DYNC1I2: variants seen among roughly 807,000 people sequenced by gnomAD.
DYNC1I2 encodes the protein cytoplasmic dynein 1 intermediate chain 2.
DYNC1I2 carries 53 observed loss-of-function variants against 88.6 expected under a neutral mutation model. That is an observed-to-expected ratio of 0.60 (90% CI 0.48 to 0.75). The LOEUF is 0.75. Among genes scored for constraint, DYNC1I2 ranks in the 30% least tolerant of loss-of-function variants. The probability of loss-of-function intolerance (pLI) is 0.00; values close to 1 mark genes in which losing one functional copy is unlikely to be tolerated. For missense variants in DYNC1I2, 458 were observed against 766.6 expected (o/e 0.60, Z 4.75); for synonymous variants, 198 against 254.6 (o/e 0.78, Z 2.12).
chr2:171,746,069 C>G, intron 17 of DYNC1I2, 142 bp downstream of exon 17: 2 of 760,882 alleles, frequency 2.6e-6, no homozygotes, highest in South Asian at 6.7e-5. Context: ...CTTTCTACCA[C>G]AGAAGCAGCT....
chr2:171,711,292 C>T (rs1387816401), intron 5 of DYNC1I2, among the ~76,000 whole-genome samples: 3 of 152,182 alleles, frequency 2.0e-5, no homozygotes, highest in African/African-American at 7.2e-5. Flanking sequence ...TGTGAGCCAC[C>T]GTGCCTGGCC....
intron 7 of DYNC1I2, among the ~76,000 whole-genome samples, chr2:171,721,614 A>G (rs991459726): frequency 4.6e-5 from 7 of 152,206 alleles, no homozygotes; most frequent in African/African-American, 1.7e-4. Context: ...TTGTGAAGTT[A>G]TTCATAAGTT....
At chr2:171,700,628 G>GT (rs1559368232) in intron 3 of DYNC1I2, among the ~76,000 whole-genome samples, 2 of 145,906 alleles carry the variant, frequency 1.4e-5, no homozygotes, top group Admixed American at 7.0e-5. Context: ...TAGTTTTTTT[G>GT]TTTTTTGTTT....
In DYNC1I2 at chr2:171,690,134, A is replaced by G. The variant is rs922178901; in HGVS notation, c.-9-13A>G. On this transcript the variant is annotated splice_polypyrimidine_tract_variant and intron_variant, in intron 1 of 17. Transcript: ENST00000397119. ...TGCTGCTTTTACTAACATAATGATT[A>G]TATGTTTCTAAGGTCACAAACATGT... 6.8e-6 allele frequency: 10 copies of G among 1,471,632 alleles called. No homozygotes were observed. The highest frequency in any genetic ancestry group is 2.6e-5 in the South Asian group (2 of 77,490). The allele number at this position is 1,471,632 out of a possible 1,614,324, so 91.2% of individuals were successfully genotyped here. A position where few individuals can be genotyped will look rare whatever the true frequency, so the allele number is the denominator to read the frequency against.
In DYNC1I2 at chr2:171,744,029, A is replaced by T; in HGVS notation, c.1537-20A>T. The T allele has an allele frequency of 1.2e-6, 2 of 1,602,092 alleles. No individual in the cohort carries two copies. Among genetic ancestry groups the T allele is most frequent in the Non-Finnish European group, 1.7e-6 (2 of 1,176,088 alleles). ...TATGTCATATATGGACTGTGCTAAG[A>T]ATCAACTTTTCTCTTTCAGAATAAC... On this transcript the variant is annotated intron_variant, in intron 15 of 17. Transcript: ENST00000397119.
At chr2:171,726,327 AT>A in intron 10 of DYNC1I2, 34 bp downstream of exon 10, 2 of 1,413,568 alleles carry the variant, frequency 1.4e-6, no homozygotes, top group South Asian at 1.3e-5. Context: ...CTCTTAACTC[AT>A]TTTTAAAATT....
intron 3 of DYNC1I2, among the ~76,000 whole-genome samples, chr2:171,698,939 TCCACCCAC>T (rs1378653523): frequency 6.6e-6 from 1 of 150,704 alleles, no homozygotes; most frequent in Admixed American, 6.6e-5. Context: ...GCTCAAGCAA[TCCACCCAC>T]CTCAGCCTCC....
At chr2:171,742,253 G>A (rs1248230371) in intron 15 of DYNC1I2, among the ~76,000 whole-genome samples, 2 of 151,966 alleles carry the variant, frequency 1.3e-5, no homozygotes, top group African/African-American at 4.8e-5. Flanking sequence ...GCTCACTGCA[G>A]CCTCGACATC....
At chr2:171,728,059 G>T in intron 12 of DYNC1I2, 92 bp downstream of exon 12, 9 of 1,407,020 alleles carry the variant, frequency 6.4e-6, no homozygotes, top group Non-Finnish European at 8.5e-6. Context: ...ATCTCAGAAT[G>T]TGCTTCCTTT....
At chr2:171,717,963 T>C (rs193166873) in intron 7 of DYNC1I2, among the ~76,000 whole-genome samples, 2,685 of 151,180 alleles carry the variant, frequency 0.018, 75 homozygotes, top group African/African-American at 0.061. Flanking sequence ...GACTTTCTTT[T>C]TTTTTTTTTT....
At chr2:171,717,141 CTT>C (rs71013068) in intron 7 of DYNC1I2, among the ~76,000 whole-genome samples, 67,984 of 101,786 alleles carry the variant, frequency 0.67, 21,488 homozygotes, top group East Asian at 0.78. Context: ...CAAGTATTTT[CTT>C]TTTTTTTTTT....
chr2:171,703,793 C>T (rs891428744), intron 3 of DYNC1I2, among the ~76,000 whole-genome samples: 3 of 152,110 alleles, frequency 2.0e-5, no homozygotes, highest in African/African-American at 7.2e-5. Context: ...GCTAAGAACA[C>T]TTGTGTCCAG....
chr2:171,687,838 G>A, intron 1 of DYNC1I2: 1 of 152,872 alleles, frequency 6.5e-6, no homozygotes, highest in Non-Finnish European at 1.5e-5. Flanking sequence ...GGAAGTTGCA[G>A]GCGGGAGGAC....
intron 7 of DYNC1I2, among the ~76,000 whole-genome samples, chr2:171,719,831 A>G (rs577924405): frequency 6.6e-6 from 1 of 152,302 alleles, no homozygotes; most frequent in African/African-American, 2.4e-5. Flanking sequence ...TTGCTGTCTT[A>G]AAGCGCCTAC....
chr2:171,718,506 T>C (rs1266417004), intron 7 of DYNC1I2, among the ~76,000 whole-genome samples: 1 of 151,858 alleles, frequency 6.6e-6, no homozygotes, highest in African/African-American at 2.4e-5. Flanking sequence ...CGATCTTGGC[T>C]CACTGCAAGC....
chr2:171,708,818 G>A (rs1031236424), intron 5 of DYNC1I2, among the ~76,000 whole-genome samples: 1 of 151,862 alleles, frequency 6.6e-6, no homozygotes, highest in Non-Finnish European at 1.5e-5. Context: ...TCAGCCTCCC[G>A]AGTAGCTGGG....
At position 171,744,332 on chromosome 2, in the gene DYNC1I2, G is replaced by A. The variant is rs1689645289; in HGVS notation, c.1677+143G>A. The A allele has an allele frequency of 4.4e-6, 4 of 902,572 alleles. No homozygotes were observed. The South Asian group carries it at 8.1e-5, about 18-fold the overall frequency. The allele number at this position is 902,572 out of a possible 1,614,324, so 55.9% of individuals were successfully genotyped here. A position where few individuals can be genotyped will look rare whatever the true frequency, so the allele number is the denominator to read the frequency against. ...ATCACAAAGAACTCAAATAAGCTTT[G>A]TACCCTAAATAATAAACAGCATGCT... is the stretch of plus-strand genomic sequence containing the variant. On this transcript the variant is annotated intron_variant, in intron 16 of 17. Coordinates refer to ENST00000397119, the MANE Select transcript of DYNC1I2 (RefSeq NM_001378.3).
intron 5 of DYNC1I2, 77 bp from the exon 6 acceptor site, chr2:171,712,690 T>C: frequency 1.0e-6 from 1 of 985,432 alleles, no homozygotes; most frequent in South Asian, 1.4e-5. Context: ...TAGCTTTAGC[T>C]ATTCATAGAA....
intron 6 of DYNC1I2, among the ~76,000 whole-genome samples, chr2:171,713,489 T>A (rs549344160): frequency 1.3e-5 from 2 of 152,014 alleles, no homozygotes; most frequent in East Asian, 3.9e-4. Flanking sequence ...AACTAATGCT[T>A]TATAGTTTCT....
Sources: gnomAD v4.1 joint callset for allele counts (sites outside exome capture counted in the v4.1 genomes callset) on GRCh38, gnomAD v4.1.1 for gene constraint, MANE v1.5 for transcripts, NCBI Gene and HGNC (gene_info 2026-07-23, HGNC 2026-07-21) for gene names.